Variants in FRAS1 observed in about 807,000 individuals in gnomAD.
FRAS1 encodes extracellular matrix organizing protein FRAS1.
In FRAS1, 290 loss-of-function variants were observed where a neutral mutation model predicts 435.2. The ratio of observed to expected loss-of-function variants is 0.67; its 90% confidence interval spans 0.61 to 0.73. FRAS1 has a LOEUF of 0.73. Among genes scored for constraint, FRAS1 ranks in the 30% least tolerant of loss-of-function variants. The pLI is 0.00. For synonymous variants in FRAS1, 1,800 were observed against 1,851.0 expected (o/e 0.97, Z 0.71); for missense variants, 4,860 against 5,001.5 (o/e 0.97, Z 0.85).
intron 11 of FRAS1, 116 bp from the exon 12 acceptor site, chr4:78,282,704 G>A (rs1727387802): frequency 1.8e-6 from 2 of 1,104,904 alleles, no homozygotes; most frequent in Non-Finnish European, 2.7e-6. Flanking sequence ...ATTTGGCAGA[G>A]TACTGATTAG....
intron 10 of FRAS1, among the ~76,000 whole-genome samples, chr4:78,279,159 A>G (rs1362506646): frequency 1.3e-5 from 2 of 152,214 alleles, no homozygotes; most frequent in Admixed American, 6.5e-5. Flanking sequence ...AGGGAGCCGC[A>G]TGAATGTCTA....
chr4:78,128,529 T>C (rs1378059338), intron 2 of FRAS1, among the ~76,000 whole-genome samples: 20 of 152,234 alleles, frequency 1.3e-4, no homozygotes, highest in Admixed American at 2.6e-4. Flanking sequence ...TTTCATGTGT[T>C]TTTTGGCTGC....
At chr4:78,469,875 G>A (rs1470481518) in intron 50 of FRAS1, 103 bp from the exon 51 acceptor site, 1 of 817,260 alleles carries the variant, frequency 1.2e-6, no homozygotes, top group Non-Finnish European at 2.1e-6. Flanking sequence ...CCTCATCTCT[G>A]AAGTGTTAGC....
rs755415383 is a variant in FRAS1 at position 78,450,200 on chromosome 4, C to T, written c.6324C>T (p.Asp2108=). ...AGCACTTGAAAGTGACAGATATTGA[C>T]TCAGATGACCATCAGGTTATGTACA... ...TEQHLKVTDI[D]SDDHQVMYIM... Residue 2108 remains aspartate, a synonymous_variant, in exon 45 of 74, where the codon GAC becomes GAT. Coordinates refer to ENST00000512123, the MANE Select transcript of FRAS1 (RefSeq NM_025074.7). 2.5e-6 allele frequency: 4 copies of T among 1,613,794 alleles called. No homozygotes were observed. In the Admixed American group the frequency reaches 6.7e-5, roughly 27 times the overall value.
chr4:78,180,904 C>G, intron 2 of FRAS1: 1 of 1,604,940 alleles, frequency 6.2e-7, no homozygotes, highest in Non-Finnish European at 8.5e-7. Flanking sequence ...TCATCCACAT[C>G]AGGAGCAGAA....
chr4:78,163,710 G>A (rs1721228557), intron 2 of FRAS1, among the ~76,000 whole-genome samples: 1 of 152,132 alleles, frequency 6.6e-6, no homozygotes, highest in Non-Finnish European at 1.5e-5. Context: ...TGCTTCTTTG[G>A]AAAAATTAAT....
intron 32 of FRAS1, among the ~76,000 whole-genome samples, chr4:78,415,058 A>G (rs1172367926): frequency 2.6e-5 from 4 of 152,188 alleles, no homozygotes; most frequent in Non-Finnish European, 5.9e-5. Flanking sequence ...ATCACTATAG[A>G]GTTGATGAAA....
chr4:78,367,358 T>A (rs561797043), intron 22 of FRAS1, among the ~76,000 whole-genome samples: 1 of 150,324 alleles, frequency 6.7e-6, no homozygotes, highest in Non-Finnish European at 1.5e-5. Flanking sequence ...GCTGTGTTCA[T>A]GCCACTATAC....
Position 78,534,635 on chromosome 4 carries a change from T to G in FRAS1, c.11092+20T>G. ...CAAAAGGTGAGTTGCTTCCTCCACC[T>G]GCAGAAAGAGGCTCTGCCTGGATAT... On this transcript the variant is annotated intron_variant, in intron 71 of 73. Coordinates refer to ENST00000512123, the MANE Select transcript of FRAS1 (RefSeq NM_025074.7). 6.2e-7 allele frequency: 1 copy of G among 1,609,138 alleles called. No homozygotes were observed. The highest frequency in any genetic ancestry group is 8.5e-7 in the Non-Finnish European group (1 of 1,176,878).
At chr4:78,307,856 C>T (rs979445599) in intron 14 of FRAS1, among the ~76,000 whole-genome samples, 3 of 152,218 alleles carry the variant, frequency 2.0e-5, no homozygotes, top group Admixed American at 2.0e-4. Context: ...GGAGCTGTTC[C>T]TATTCGGCCA....
intron 25 of FRAS1, among the ~76,000 whole-genome samples, chr4:78,375,512 T>C (rs1438000682): frequency 6.6e-6 from 1 of 152,212 alleles, no homozygotes; most frequent in Non-Finnish European, 1.5e-5. Flanking sequence ...TTTTAAACAA[T>C]TCATTTTTGT....
intron 34 of FRAS1, among the ~76,000 whole-genome samples, chr4:78,422,505 T>C (rs763392851): frequency 2.0e-5 from 3 of 151,860 alleles, no homozygotes; most frequent in Non-Finnish European, 4.4e-5. Context: ...CGAGGAAAAG[T>C]GTATGTATTT....
At chr4:78,070,924 G>A (rs967594580) in intron 2 of FRAS1, 12 of 152,186 alleles carry the variant, frequency 7.9e-5, no homozygotes, top group Non-Finnish European at 1.3e-4. Flanking sequence ...AACTCGTCCA[G>A]TGCTGTGACT....
intron 29 of FRAS1, among the ~76,000 whole-genome samples, chr4:78,392,188 T>C (rs1732472427): frequency 6.6e-6 from 1 of 152,174 alleles, no homozygotes; most frequent in Non-Finnish European, 1.5e-5. Context: ...GCTTTCTTTA[T>C]GCTGGTAAAT....
chr4:78,108,682 T>A (rs1742523323), intron 2 of FRAS1, among the ~76,000 whole-genome samples: 1 of 65,026 alleles, frequency 1.5e-5, no homozygotes, highest in South Asian at 6.0e-4. Context: ...ACATCACAAT[T>A]AAAAGAACTA....
chr4:78,380,176 A>C (rs1028551472), intron 27 of FRAS1, among the ~76,000 whole-genome samples, 180 bp downstream of exon 27: 78 of 152,324 alleles, frequency 5.1e-4, no homozygotes, highest in Non-Finnish European at 8.8e-5. Flanking sequence ...TTGCTCAAAG[A>C]GCGTGCATCT....
At chr4:78,140,078 A>G (rs867360662) in intron 2 of FRAS1, among the ~76,000 whole-genome samples, 1 of 152,168 alleles carries the variant, frequency 6.6e-6, no homozygotes, top group African/African-American at 2.4e-5. Context: ...AACCCCCATG[A>G]ATTATCACTA....
At chr4:78,151,649 G>T (rs1457614397) in intron 2 of FRAS1, among the ~76,000 whole-genome samples, 1 of 152,142 alleles carries the variant, frequency 6.6e-6, no homozygotes, top group Non-Finnish European at 1.5e-5. Flanking sequence ...CAAGTTCTCA[G>T]AATGTGCTAT....
intron 2 of FRAS1, among the ~76,000 whole-genome samples, chr4:78,119,981 C>T (rs1427453171): frequency 1.3e-5 from 2 of 152,200 alleles, no homozygotes; most frequent in East Asian, 3.8e-4. Flanking sequence ...CCCTGCTTGT[C>T]TACTGAAGTG....
Sources: allele counts gnomAD v4.1 joint callset (sites outside exome capture counted in the v4.1 genomes callset), GRCh38; gene constraint gnomAD v4.1.1; transcripts MANE v1.5; gene names NCBI Gene and HGNC (gene_info 2026-07-23, HGNC 2026-07-21).